Variants in ANO4 observed in about 807,000 individuals in gnomAD.
The protein encoded by ANO4 is anoctamin 4, also known as anoctamin-4.
In ANO4, 69 loss-of-function variants were observed where a neutral mutation model predicts 141.9. The ratio of observed to expected loss-of-function variants is 0.49; its 90% CI spans 0.40 to 0.59. The LOEUF (loss-of-function observed/expected upper bound fraction) is 0.59, where lower values mean the gene tolerates loss of function less well. Among genes scored for constraint, ANO4 ranks in the 20% least tolerant of loss-of-function variants. The pLI is 0.00. For missense variants in ANO4, 894 were observed against 1,162.2 expected (o/e 0.77, Z 3.36); for synonymous variants, 350 against 394.3 (o/e 0.89, Z 1.33).
Position 101,112,125 on chromosome 12 carries a change from G to T in ANO4, c.2450+415G>T, listed in dbSNP as rs2050686956. ...GGACAGTTACAATCTGATTTACATTGTGTCATTATGTGTAAACTCTGCAGA... is the reference window on the plus strand; with the variant it reads ...GGACAGTTACAATCTGATTTACATTTTGTCATTATGTGTAAACTCTGCAGA... On this transcript the variant is annotated intron_variant, in intron 24 of 27. Coordinates refer to ENST00000392977, the MANE Select transcript of ANO4 (RefSeq NM_001286615.2). Among the ~76,000 whole-genome samples, 4 of 152,142 alleles carry T rather than the reference G, an allele frequency of 2.6e-5. No homozygotes were observed. In the South Asian group the frequency reaches 6.2e-4, roughly 24 times the overall value.
intron 22 of ANO4, among the ~76,000 whole-genome samples, chr12:101,103,181 T>TATATA (rs1555302952): frequency 1.3e-4 from 12 of 90,672 alleles, no homozygotes; most frequent in African/African-American, 6.3e-4. Context: ...TTTTTAGTCA[T>TATATA]TTTATATATA....
intron 14 of ANO4, among the ~76,000 whole-genome samples, chr12:101,060,279 T>C (rs1462127457): frequency 6.6e-6 from 1 of 152,230 alleles, no homozygotes; most frequent in African/African-American, 2.4e-5. Context: ...TTGCATTTGC[T>C]GAGGAGTGTT....
chr12:101,024,106 C>T (rs1284827441), intron 9 of ANO4, among the ~76,000 whole-genome samples: 1 of 152,260 alleles, frequency 6.6e-6, no homozygotes, highest in East Asian at 1.9e-4. Flanking sequence ...TGGTGAAACC[C>T]ACTTTCAAAA....
Position 101,119,051 on chromosome 12 carries a change from C to T in ANO4, c.2571-1469C>T, listed in dbSNP as rs548135016. ...GTCCCTACAAAGGACATGAACTCAT[C>T]CTTTTTTATGGCTGCATAGTATTCC... On this transcript the variant is annotated intron_variant, in intron 25 of 27. Coordinates refer to ENST00000392977, the MANE Select transcript of ANO4 (RefSeq NM_001286615.2). Among the ~76,000 whole-genome samples, 4 of 152,162 alleles carry T rather than the reference C, an allele frequency of 2.6e-5. No homozygotes were observed. The South Asian group carries it at 8.3e-4, about 32-fold the overall frequency.
At chr12:101,090,162 A>T (rs1475109694) in intron 17 of ANO4, among the ~76,000 whole-genome samples, 3 of 152,240 alleles carry the variant, frequency 2.0e-5, no homozygotes, top group African/African-American at 7.2e-5. Context: ...ACTGTAAACT[A>T]GTTCAACCAT....
intron 3 of ANO4, among the ~76,000 whole-genome samples, chr12:100,786,708 G>A (rs1423939835): frequency 6.6e-6 from 1 of 152,178 alleles, no homozygotes; most frequent in Non-Finnish European, 1.5e-5. Flanking sequence ...ACTTGGGTTA[G>A]CATTAAAAGC....
chr12:100,762,767 C>T (rs562591388), intron 3 of ANO4, among the ~76,000 whole-genome samples: 3 of 152,292 alleles, frequency 2.0e-5, no homozygotes, highest in African/African-American at 7.2e-5. Flanking sequence ...GTCCTGAACA[C>T]ATACTCTGTG....
intron 1 of ANO4, among the ~76,000 whole-genome samples, chr12:100,807,052 A>G (rs1482483301): frequency 1.3e-5 from 2 of 152,160 alleles, no homozygotes; most frequent in African/African-American, 4.8e-5. Context: ...TCATGCTTCT[A>G]CAATTTCCTT....
At chr12:101,098,780 A>G (rs1566246086) in intron 21 of ANO4, among the ~76,000 whole-genome samples, 1 of 152,234 alleles carries the variant, frequency 6.6e-6, no homozygotes, top group South Asian at 2.1e-4. Flanking sequence ...ATTATATTTT[A>G]TCTTCTGATA....
At chr12:100,926,466 ATGTT>A (rs1490610857) in intron 3 of ANO4, among the ~76,000 whole-genome samples, 12 of 152,086 alleles carry the variant, frequency 7.9e-5, no homozygotes, top group Admixed American at 7.9e-4. Flanking sequence ...GCAGTGGTGA[ATGTT>A]TGGTACAAAG....
At chr12:100,961,591 A>G (rs569557079) in intron 5 of ANO4, among the ~76,000 whole-genome samples, 1 of 152,390 alleles carries the variant, frequency 6.6e-6, no homozygotes, top group African/African-American at 2.4e-5. Context: ...CGGGAGCTAC[A>G]TATAAAAGGT....
At chr12:100,933,773 A>G (rs189611963) in intron 3 of ANO4, among the ~76,000 whole-genome samples, 1 of 152,330 alleles carries the variant, frequency 6.6e-6, no homozygotes, top group East Asian at 1.9e-4. Context: ...CCTCTCCAGC[A>G]TCTGTTGTTT....
chr12:100,805,779 T>C (rs2135680714), intron 1 of ANO4, among the ~76,000 whole-genome samples: 1 of 152,234 alleles, frequency 6.6e-6, no homozygotes, highest in African/African-American at 2.4e-5. Flanking sequence ...TTTGGAGGGA[T>C]CTCACTTTTT....
chr12:100,844,083 T>G (rs1180404187), intron 1 of ANO4, among the ~76,000 whole-genome samples: 1 of 152,070 alleles, frequency 6.6e-6, no homozygotes, highest in Non-Finnish European at 1.5e-5. Flanking sequence ...ATTACAGAGG[T>G]AAATGCAAGG....
chr12:100,948,976 G>C (rs1322027108), intron 5 of ANO4, among the ~76,000 whole-genome samples: 1 of 152,178 alleles, frequency 6.6e-6, no homozygotes, highest in African/African-American at 2.4e-5. Context: ...ACCATATTGT[G>C]AGACAGCCTA....
chr12:101,049,064 C>CA (rs1391523176), intron 14 of ANO4, among the ~76,000 whole-genome samples: 5 of 152,108 alleles, frequency 3.3e-5, no homozygotes, highest in Non-Finnish European at 7.4e-5. Context: ...AAACATCTCA[C>CA]AAATTCATGG....
chr12:100,721,421 G>A (rs1358929018), intron 1 of ANO4, among the ~76,000 whole-genome samples: 1 of 152,210 alleles, frequency 6.6e-6, no homozygotes, highest in African/African-American at 2.4e-5. Context: ...CCTGGAGGAG[G>A]AGATTGGGAG....
chr12:100,742,531 C>T (rs569551530), intron 3 of ANO4, among the ~76,000 whole-genome samples: 12 of 152,278 alleles, frequency 7.9e-5, no homozygotes, highest in African/African-American at 2.9e-4. Context: ...CATCCCTTCA[C>T]AATTCTAAGC....
At chr12:100,802,222 A>G (rs1177430349) in intron 1 of ANO4, among the ~76,000 whole-genome samples, 4 of 152,156 alleles carry the variant, frequency 2.6e-5, no homozygotes, top group Non-Finnish European at 4.4e-5. Flanking sequence ...TTTTTATTTG[A>G]CAATTAACTT....
Sources: allele counts gnomAD v4.1 joint callset (sites outside exome capture counted in the v4.1 genomes callset), GRCh38; gene constraint gnomAD v4.1.1; transcripts MANE v1.5; gene names NCBI Gene and HGNC (gene_info 2026-07-23, HGNC 2026-07-21).